TNFSF8: variants seen among roughly 807,000 people sequenced by gnomAD.
TNFSF8 encodes tumor necrosis factor ligand superfamily member 8.
Under a neutral mutation model 22.0 loss-of-function variants are expected in TNFSF8, and 4 were observed. The ratio of observed to expected loss-of-function variants is 0.18; its 90% confidence interval spans 0.09 to 0.42. The LOEUF (loss-of-function observed/expected upper bound fraction) is 0.42. Ranked by LOEUF, TNFSF8 falls within the 10% of genes least tolerant of loss-of-function variation. The pLI is 1.00. For synonymous variants in TNFSF8, 106 were observed against 112.5 expected, an observed-to-expected ratio of 0.94 and a Z score of 0.37; for missense variants, 233 against 281.8, an observed-to-expected ratio of 0.83 and a Z score of 1.24.
intron 2 of TNFSF8, among the ~76,000 whole-genome samples, chr9:114,906,110 GGA>G (rs1350353766): frequency 6.6e-6 from 1 of 152,044 alleles, no homozygotes; most frequent in Non-Finnish European, 1.5e-5. Flanking sequence ...GCTTCCACTT[GGA>G]CTTTTATGGA....
downstream of TNFSF8, among the ~76,000 whole-genome samples, chr9:114,897,234 A>T (rs1827665165): frequency 6.6e-6 from 1 of 151,964 alleles, no homozygotes; most frequent in Non-Finnish European, 1.5e-5. Flanking sequence ...AGAGGCTTTC[A>T]ATGAACATTT....
At position 114,929,977 on chromosome 9, in the gene TNFSF8, TAG is replaced by T. The variant is rs68180247; in HGVS notation, c.195+130_195+131del. 2,115 of 322,000 alleles carry T rather than the reference TAG, an allele frequency of 6.6e-3. 11 individuals are homozygous for T. The highest frequency in any genetic ancestry group is 0.013 in the South Asian group (174 of 13,220). 19.9% of individuals were successfully genotyped at this position (322,000 alleles called of 1,614,324 possible). On this transcript the variant is annotated intron_variant, in intron 1 of 3. Transcript: ENST00000223795. Reference sequence around the variant, plus strand: ...ATATACTATAGTATATATATATATATAGAGAGAGAGAGTTTATTTATTTAATT... The same window carrying T: ...ATATACTATAGTATATATATATATATAGAGAGAGAGTTTATTTATTTAATT...
chr9:114,924,955 T>C (rs1020490402), intron 1 of TNFSF8, among the ~76,000 whole-genome samples: 2 of 152,144 alleles, frequency 1.3e-5, no homozygotes, highest in Non-Finnish European at 2.9e-5. Flanking sequence ...ATGGAATGAA[T>C]GTCAGGTGGA....
At chr9:114,904,478 G>A (rs1038247545) in intron 3 of TNFSF8, among the ~76,000 whole-genome samples, 153 bp from the exon 4 acceptor site, 3 of 152,134 alleles carry the variant, frequency 2.0e-5, no homozygotes. Context: ...TCCCTCTAGA[G>A]TCTACTTATT....
intron 2 of TNFSF8, among the ~76,000 whole-genome samples, chr9:114,913,190 C>A (rs537699042): frequency 2.0e-5 from 3 of 152,146 alleles, no homozygotes; most frequent in African/African-American, 7.2e-5. Flanking sequence ...TGAATTCAGG[C>A]GAGGGTGGAG....
At chr9:114,912,808 TG>T (rs35288786) in intron 2 of TNFSF8, among the ~76,000 whole-genome samples, 1 of 152,224 alleles carries the variant, frequency 6.6e-6, no homozygotes, top group African/African-American at 2.4e-5. Flanking sequence ...ATTGTTTCTT[TG>T]GGGTGGGTTC....
At chr9:114,914,204 C>G (rs748839194) in intron 2 of TNFSF8, among the ~76,000 whole-genome samples, 82 of 152,280 alleles carry the variant, frequency 5.4e-4, no homozygotes, top group Non-Finnish European at 6.0e-4. Context: ...ATAGCTGTCC[C>G]TTGAGAAATT....
Position 114,930,509 on chromosome 9 carries a change from T to C in TNFSF8, c.-206A>G. The C allele has an allele frequency of 2.2e-6, 1 of 444,644 alleles. No individual in the cohort carries two copies. 27.5% of individuals were successfully genotyped at this position (444,644 alleles called of 1,614,324 possible). On this transcript the variant is annotated 5_prime_UTR_variant, in exon 1 of 4. Transcript: ENST00000223795. ...GCAAGGGTGGGGGAGAGGTTCATTT[T>C]TCATTGCCAGGGATTAAGTTGTGTG...
chr9:114,918,365 A>G (rs527725149), intron 1 of TNFSF8, among the ~76,000 whole-genome samples: 70 of 152,308 alleles, frequency 4.6e-4, no homozygotes, highest in Non-Finnish European at 8.4e-4. Flanking sequence ...CCCGTTCCAC[A>G]GGCAAGAGAC....
chr9:114,909,077 C>T (rs1407976600), intron 2 of TNFSF8, among the ~76,000 whole-genome samples: 1 of 152,172 alleles, frequency 6.6e-6, no homozygotes, highest in Admixed American at 6.5e-5. Flanking sequence ...ACAGTGCTGG[C>T]AGCTCACAGA....
At chr9:114,899,349 T>TA (rs200896262), downstream of TNFSF8, among the ~76,000 whole-genome samples, 286 of 146,216 alleles carry the variant, frequency 2.0e-3, 4 homozygotes, top group African/African-American at 7.1e-3. Flanking sequence ...GTTATTATTT[T>TA]TTTTTTTTTT....
At chr9:114,910,173 G>C (rs1202050372) in intron 2 of TNFSF8, among the ~76,000 whole-genome samples, 1 of 152,204 alleles carries the variant, frequency 6.6e-6, no homozygotes, top group Non-Finnish European at 1.5e-5. Flanking sequence ...TTTTGTTTGA[G>C]AGGCTGAAGA....
At chr9:114,914,817 G>T (rs1827898792) in intron 2 of TNFSF8, among the ~76,000 whole-genome samples, 1 of 152,202 alleles carries the variant, frequency 6.6e-6, no homozygotes, top group Non-Finnish European at 1.5e-5. Flanking sequence ...GTGTCAGTTG[G>T]CTGGGGGCTA....
At chr9:114,925,078 A>G (rs941841246) in intron 1 of TNFSF8, among the ~76,000 whole-genome samples, 4 of 152,166 alleles carry the variant, frequency 2.6e-5, no homozygotes, top group African/African-American at 9.7e-5. Flanking sequence ...GCTAAAGAAG[A>G]GGTGTAGAGT....
At chr9:114,924,679 T>C (rs1828034644) in intron 1 of TNFSF8, among the ~76,000 whole-genome samples, 1 of 152,164 alleles carries the variant, frequency 6.6e-6, no homozygotes, top group Admixed American at 6.5e-5. Flanking sequence ...GCCATGACTG[T>C]TGTAATTCTT....
intron 3 of TNFSF8, among the ~76,000 whole-genome samples, chr9:114,905,473 C>T (rs1216032640): frequency 6.8e-6 from 1 of 147,372 alleles, no homozygotes; most frequent in African/African-American, 2.5e-5. Context: ...AGGAAAAGGA[C>T]TGTGTACTTT....
At chr9:114,907,651 C>A (rs372019429) in intron 2 of TNFSF8, among the ~76,000 whole-genome samples, 3 of 152,162 alleles carry the variant, frequency 2.0e-5, no homozygotes, top group African/African-American at 7.2e-5. Context: ...CTTCCCTCCT[C>A]CCCTTTCCCT....
intron 1 of TNFSF8, among the ~76,000 whole-genome samples, chr9:114,921,295 C>T (rs1214499510): frequency 6.6e-6 from 1 of 152,124 alleles, no homozygotes; most frequent in African/African-American, 2.4e-5. Context: ...CTCCTAGCTA[C>T]CCATGGTAGT....
At chr9:114,896,761 G>C (rs1304320057), downstream of TNFSF8, among the ~76,000 whole-genome samples, 1 of 152,144 alleles carries the variant, frequency 6.6e-6, no homozygotes, top group Non-Finnish European at 1.5e-5. Context: ...ACCTTGCTCA[G>C]AAAAGGGGTT....
Sources: gnomAD v4.1 joint callset for allele counts (sites outside exome capture counted in the v4.1 genomes callset) on GRCh38, gnomAD v4.1.1 for gene constraint, MANE v1.5 for transcripts, NCBI Gene and HGNC (gene_info 2026-07-23, HGNC 2026-07-21) for gene names.